The following CSMD1 variants were observed in gnomAD, a reference collection of about 807,000 sequenced individuals.
CSMD1 encodes the protein CUB and Sushi multiple domains 1.
A neutral mutation model predicts 417.5 loss-of-function variants in CSMD1; 213 were observed. That is an observed-to-expected ratio of 0.51 (90% CI 0.46 to 0.57). The LOEUF (loss-of-function observed/expected upper bound fraction) is 0.57. CSMD1 is among the 20% of genes least tolerant of loss of function. The pLI, the probability that CSMD1 is intolerant of heterozygous loss-of-function variation, is 0.00. For synonymous variants in CSMD1, 2,862 were observed against 1,736.8 expected (o/e 1.65, Z -16.11); for missense variants, 6,923 against 4,529.7 (o/e 1.53, Z -15.17).
intron 1 of CSMD1, among the ~76,000 whole-genome samples, chr8:4,844,639 T>C (rs1220666136): frequency 1.3e-5 from 2 of 152,104 alleles, no homozygotes; most frequent in Non-Finnish European, 2.9e-5. Flanking sequence ...AAACAATCCA[T>C]GCAAAAAATA....
intron 49 of CSMD1, among the ~76,000 whole-genome samples, chr8:3,068,591 C>G (rs1278118865): frequency 2.6e-5 from 4 of 152,180 alleles, no homozygotes; most frequent in African/African-American, 9.6e-5. Context: ...GTACGGGAAA[C>G]AAGGTGCTGG....
At chr8:3,311,111 T>C (rs1447407064) in intron 23 of CSMD1, among the ~76,000 whole-genome samples, 2 of 151,428 alleles carry the variant, frequency 1.3e-5, no homozygotes, top group Non-Finnish European at 3.0e-5. Flanking sequence ...ACTTTCCAAA[T>C]GTCTTAAATT....
intron 1 of CSMD1, among the ~76,000 whole-genome samples, chr8:4,916,550 C>A (rs1467782086): frequency 6.6e-6 from 1 of 152,116 alleles, no homozygotes; most frequent in Non-Finnish European, 1.5e-5. Context: ...AGAAAATGCA[C>A]GTGGCACTCA....
At chr8:3,876,280 T>G (rs1262409130) in intron 5 of CSMD1, among the ~76,000 whole-genome samples, 1 of 152,204 alleles carries the variant, frequency 6.6e-6, no homozygotes, top group African/African-American at 2.4e-5. Context: ...TTATTTACCT[T>G]AGAAGTTTTT....
At chr8:3,679,679 G>T (rs1029002202) in intron 7 of CSMD1, among the ~76,000 whole-genome samples, 9 of 152,144 alleles carry the variant, frequency 5.9e-5, no homozygotes, top group Non-Finnish European at 1.2e-4. Context: ...TCTGCACCAA[G>T]CAGACCTAAT....
intron 9 of CSMD1, among the ~76,000 whole-genome samples, chr8:3,579,872 G>A (rs1800308152): frequency 6.6e-6 from 1 of 152,206 alleles, no homozygotes; most frequent in South Asian, 2.1e-4. Flanking sequence ...GGAAGGCTGA[G>A]GCGGGTGGAT....
At position 3,308,506 on chromosome 8, in the gene CSMD1, G is replaced by A. The variant is rs1218293087; in HGVS notation, c.3632-3C>T. ...CTCACATTTTACCAGATCAAAACCTGCAAGAGAGAAAGGCAAGGAATGAAC... is the reference window on the plus strand; with the variant it reads ...CTCACATTTTACCAGATCAAAACCTACAAGAGAGAAAGGCAAGGAATGAAC... On this transcript the variant is annotated splice_region_variant and splice_polypyrimidine_tract_variant and intron_variant, in intron 23 of 69. Coordinates refer to ENST00000635120, the MANE Select transcript of CSMD1 (RefSeq NM_033225.6). 1.9e-6 allele frequency: 3 copies of A among 1,606,396 alleles called. No individual in the cohort carries two copies. Among genetic ancestry groups the A allele is most frequent in the Non-Finnish European group, 2.6e-6 (3 of 1,174,398 alleles).
chr8:4,269,184 G>C (rs560208710), intron 3 of CSMD1, among the ~76,000 whole-genome samples: 3 of 152,174 alleles, frequency 2.0e-5, no homozygotes, highest in East Asian at 3.9e-4. Flanking sequence ...AGCCCTCCTA[G>C]TAGCTGGGAC....
intron 3 of CSMD1, among the ~76,000 whole-genome samples, chr8:4,201,457 G>A (rs573926534): frequency 7.2e-6 from 1 of 139,000 alleles, no homozygotes; most frequent in Non-Finnish European, 1.5e-5. Flanking sequence ...AGAATGGCAT[G>A]AACACGGGAG....
intron 5 of CSMD1, among the ~76,000 whole-genome samples, chr8:3,899,563 T>G (rs909128694): frequency 1.3e-5 from 2 of 152,094 alleles, no homozygotes; most frequent in South Asian, 2.1e-4. Flanking sequence ...AAAAGAAGGT[T>G]GTTGTTGTAA....
At chr8:3,517,593 C>T (rs1310321367) in intron 10 of CSMD1, among the ~76,000 whole-genome samples, 1 of 152,160 alleles carries the variant, frequency 6.6e-6, no homozygotes, top group South Asian at 2.1e-4. Context: ...ATACCAAATA[C>T]AGGCTGAGGG....
intron 5 of CSMD1, among the ~76,000 whole-genome samples, chr8:3,968,806 G>A (rs182616002): frequency 6.6e-6 from 1 of 152,244 alleles, no homozygotes; most frequent in East Asian, 1.9e-4. Context: ...AATTAACAGA[G>A]AAAACACTGA....
Position 3,792,413 on chromosome 8 carries a change from T to C in CSMD1, c.819-38371A>G, listed in dbSNP as rs560416648. Among the ~76,000 whole-genome samples, 35 of 152,324 alleles carry C rather than the reference T, an allele frequency of 2.3e-4. 1 individual carries two copies. In the South Asian group the frequency reaches 6.8e-3, roughly 30 times the overall value. On this transcript the variant is annotated intron_variant, in intron 5 of 69. Coordinates refer to ENST00000635120, the MANE Select transcript of CSMD1 (RefSeq NM_033225.6). ...CCTCATTTCTTAACCATGACATATA[T>C]ATTTGGTTATAAAAACAAAGGCAAA...
At chr8:3,571,162 G>C (rs1201638662) in intron 10 of CSMD1, among the ~76,000 whole-genome samples, 1 of 152,130 alleles carries the variant, frequency 6.6e-6, no homozygotes, top group African/African-American at 2.4e-5. Flanking sequence ...CTGACTATGA[G>C]AGAAAACCAA....
chr8:4,390,100 T>C (rs574004122), intron 3 of CSMD1, among the ~76,000 whole-genome samples: 1 of 152,222 alleles, frequency 6.6e-6, no homozygotes, highest in Non-Finnish European at 1.5e-5. Flanking sequence ...TCCTAAACAT[T>C]TGGTATTCCA....
intron 56 of CSMD1, 33 bp downstream of exon 56, chr8:2,974,416 CTG>C (rs1216030862): frequency 1.8e-5 from 26 of 1,476,678 alleles, no homozygotes; most frequent in Admixed American, 4.7e-5. Context: ...TATTTGAAAT[CTG>C]TAATTCTGTC....
intron 3 of CSMD1, among the ~76,000 whole-genome samples, chr8:4,324,283 C>A (rs1799429138): frequency 6.6e-6 from 1 of 152,204 alleles, no homozygotes; most frequent in South Asian, 2.1e-4. Flanking sequence ...TTCCTCATCA[C>A]TAACTGCGTA....
intron 3 of CSMD1, among the ~76,000 whole-genome samples, chr8:4,272,528 A>C (rs73660724): frequency 6.6e-6 from 1 of 152,206 alleles, no homozygotes; most frequent in Non-Finnish European, 1.5e-5. Flanking sequence ...AACCACATGC[A>C]TAACAAGTGA....
At chr8:3,474,057 G>C (rs1817266075) in intron 11 of CSMD1, among the ~76,000 whole-genome samples, 1 of 152,064 alleles carries the variant, frequency 6.6e-6, no homozygotes, top group Non-Finnish European at 1.5e-5. Flanking sequence ...TCAACACATG[G>C]GGATTATAGA....
Sources: gnomAD v4.1 joint callset for allele counts (sites outside exome capture counted in the v4.1 genomes callset) on GRCh38, gnomAD v4.1.1 for gene constraint, MANE v1.5 for transcripts, NCBI Gene and HGNC (gene_info 2026-07-23, HGNC 2026-07-21) for gene names.